Variants in ROBO2 observed in about 807,000 individuals in gnomAD.
ROBO2 encodes the protein roundabout guidance receptor 2, also known as roundabout homolog 2.
A neutral mutation model predicts 160.8 loss-of-function variants in ROBO2; 53 were observed. The ratio of observed to expected loss-of-function variants is 0.33; its 90% CI spans 0.26 to 0.41. ROBO2 has a LOEUF of 0.41. ROBO2 is among the 10% of genes least tolerant of loss of function. The pLI, the probability that ROBO2 is intolerant of heterozygous loss-of-function variation, is 1.00. For synonymous variants in ROBO2, 664 were observed against 611.7 expected, an observed-to-expected ratio of 1.09 and a Z score of -1.26; for missense variants, 1,577 against 1,722.4, an observed-to-expected ratio of 0.92 and a Z score of 1.49.
At chr3:76,908,915 G>A (rs2075789985) in intron 2 of ROBO2, among the ~76,000 whole-genome samples, 1 of 152,068 alleles carries the variant, frequency 6.6e-6, no homozygotes, top group South Asian at 2.1e-4. Flanking sequence ...AAAATAATGT[G>A]CAACCTTTTT....
At chr3:76,859,265 A>G (rs2070475908) in intron 2 of ROBO2, among the ~76,000 whole-genome samples, 1 of 152,244 alleles carries the variant, frequency 6.6e-6, no homozygotes, top group Non-Finnish European at 1.5e-5. Flanking sequence ...AATTTTATCA[A>G]TGCAAGGACT....
At chr3:76,791,109 G>T (rs183337919) in intron 2 of ROBO2, among the ~76,000 whole-genome samples, 1 of 151,586 alleles carries the variant, frequency 6.6e-6, no homozygotes. Flanking sequence ...CTGCATTTTC[G>T]CCAGTGTGAT....
chr3:77,085,161 C>A (rs1257925377), intron 1 of ROBO2, among the ~76,000 whole-genome samples: 1 of 152,098 alleles, frequency 6.6e-6, no homozygotes, highest in East Asian at 1.9e-4. Context: ...CTAAATGTAA[C>A]CACTTTGCAT....
chr3:77,237,752 G>A (rs1222993063), intron 2 of ROBO2, among the ~76,000 whole-genome samples: 1 of 152,132 alleles, frequency 6.6e-6, no homozygotes, highest in Non-Finnish European at 1.5e-5. Flanking sequence ...TTAGGTAAAT[G>A]CCAAACAGTG....
At chr3:76,939,269 G>T (rs2077987707) in intron 2 of ROBO2, among the ~76,000 whole-genome samples, 1 of 152,092 alleles carries the variant, frequency 6.6e-6, no homozygotes, top group Non-Finnish European at 1.5e-5. Context: ...GCTATTTCTT[G>T]ATAAATCTTC....
intron 2 of ROBO2, among the ~76,000 whole-genome samples, chr3:77,379,749 C>T (rs976355421): frequency 2.6e-5 from 4 of 152,150 alleles, no homozygotes; most frequent in South Asian, 2.1e-4. Flanking sequence ...CCTTCACTCC[C>T]GCAGAGCTTG....
intron 2 of ROBO2, among the ~76,000 whole-genome samples, chr3:77,451,217 G>A (rs1331410256): frequency 1.3e-5 from 2 of 151,968 alleles, no homozygotes; most frequent in Admixed American, 6.6e-5. Flanking sequence ...TCACTAAGCA[G>A]CATTTATAAT....
intron 2 of ROBO2, among the ~76,000 whole-genome samples, chr3:77,343,908 T>TTCTG (rs1553916815): frequency 1.3e-5 from 2 of 152,182 alleles, no homozygotes; most frequent in Admixed American, 6.5e-5. Flanking sequence ...TGCTCTTAAA[T>TTCTG]TTTGTTTGTT....
intron 2 of ROBO2, among the ~76,000 whole-genome samples, chr3:75,963,845 A>G (rs946488798): frequency 4.0e-5 from 6 of 151,754 alleles, no homozygotes; most frequent in African/African-American, 1.4e-4. Context: ...ACTTCTGTGC[A>G]TACACGTAGC....
intron 2 of ROBO2, among the ~76,000 whole-genome samples, chr3:75,994,549 T>A (rs2065670056): frequency 6.6e-6 from 1 of 152,232 alleles, no homozygotes; most frequent in Admixed American, 6.5e-5. Context: ...TTTGAAGAAG[T>A]GGCTTCCACC....
chr3:76,086,129 T>C (rs2069004303), intron 2 of ROBO2, among the ~76,000 whole-genome samples: 1 of 151,710 alleles, frequency 6.6e-6, no homozygotes, highest in Non-Finnish European at 1.5e-5. Context: ...AGAAAAGGGG[T>C]TTAATTGACT....
intron 2 of ROBO2, among the ~76,000 whole-genome samples, chr3:76,458,834 A>C (rs553996627): frequency 6.6e-6 from 1 of 152,286 alleles, no homozygotes; most frequent in African/African-American, 2.4e-5. Flanking sequence ...AGACTTATTC[A>C]CTATCATGAA....
chr3:77,290,087 G>A (rs1217458751), intron 2 of ROBO2, among the ~76,000 whole-genome samples: 9 of 150,242 alleles, frequency 6.0e-5, no homozygotes, highest in East Asian at 2.0e-4. Context: ...TAAAATTGAC[G>A]GTTAAACGGA....
At chr3:77,433,083 C>T (rs1169631901) in intron 2 of ROBO2, among the ~76,000 whole-genome samples, 1 of 152,052 alleles carries the variant, frequency 6.6e-6, no homozygotes, top group East Asian at 1.9e-4. Context: ...TGCTTGCTTC[C>T]TTTCTTCTTG....
At position 77,360,260 on chromosome 3, in the gene ROBO2, C is replaced by CA. The variant is rs1042675239; in HGVS notation, c.389-117154_389-117153insA. Among the ~76,000 whole-genome samples the CA allele has an allele frequency of 1.7e-4, 25 of 151,216 alleles. No homozygotes were observed. In the East Asian group the frequency reaches 2.6e-3, roughly 16 times the overall value. On this transcript the variant is annotated intron_variant, in intron 2 of 25. Coordinates refer to ENST00000461745, the Ensembl canonical transcript of ROBO2. ...AGTTAGAATGTAATGCAACCCCCCC[C>CA]CCAAATTTAGAAGCCCAGGAGGGAT...
intron 5 of ROBO2, among the ~76,000 whole-genome samples, chr3:77,500,100 C>T (rs566559059): frequency 4.6e-5 from 7 of 152,284 alleles, no homozygotes; most frequent in Non-Finnish European, 1.0e-4. Flanking sequence ...GAGACCTTCA[C>T]ATTTCACACA....
At chr3:76,531,817 C>T (rs1035977665) in intron 2 of ROBO2, among the ~76,000 whole-genome samples, 1 of 152,080 alleles carries the variant, frequency 6.6e-6, no homozygotes, top group Non-Finnish European at 1.5e-5. Context: ...CTACCATTTA[C>T]TGAATGTATT....
chr3:76,558,700 AG>A (rs2083966038), intron 2 of ROBO2, among the ~76,000 whole-genome samples: 1 of 152,116 alleles, frequency 6.6e-6, no homozygotes, highest in Admixed American at 6.6e-5. Context: ...GTTTCTCACT[AG>A]TTTAGACAAA....
intron 2 of ROBO2, among the ~76,000 whole-genome samples, chr3:75,943,272 A>G (rs909750553): frequency 1.6e-4 from 25 of 152,294 alleles, no homozygotes; most frequent in Admixed American, 1.4e-3. Context: ...AACATAATAA[A>G]GTATGATTTC....
Sources: allele counts gnomAD v4.1 joint callset (sites outside exome capture counted in the v4.1 genomes callset), GRCh38; gene constraint gnomAD v4.1.1; transcripts MANE v1.5; gene names NCBI Gene and HGNC (gene_info 2026-07-23, HGNC 2026-07-21).